CACNB2: variants seen among roughly 807,000 people sequenced by gnomAD.
The protein encoded by CACNB2 is calcium voltage-gated channel auxiliary subunit beta 2.
Under a neutral mutation model 73.3 loss-of-function variants are expected in CACNB2, and 42 were observed. The ratio of observed to expected loss-of-function variants is 0.57; its 90% CI spans 0.45 to 0.74. The LOEUF (loss-of-function observed/expected upper bound fraction) is 0.74, where lower values mean the gene tolerates loss of function less well. Ranked by LOEUF, CACNB2 falls within the 30% of genes least tolerant of loss-of-function variation. CACNB2 has a pLI of 0.00. For synonymous variants in CACNB2, 348 were observed against 310.3 expected (o/e 1.12, Z -1.28); for missense variants, 940 against 853.0 (o/e 1.10, Z -1.27).
chr10:18,481,141 C>T (rs551928035), intron 3 of CACNB2, among the ~76,000 whole-genome samples: 2 of 131,522 alleles, frequency 1.5e-5, no homozygotes, highest in East Asian at 4.9e-4. Context: ...ACACCCAGTG[C>T]AGAAAATCTT....
chr10:18,501,703 C>T (rs1036506300), intron 5 of CACNB2, among the ~76,000 whole-genome samples: 1 of 152,196 alleles, frequency 6.6e-6, no homozygotes, highest in African/African-American at 2.4e-5. Context: ...CGCTGGATTT[C>T]TCTTTTCTCC....
At chr10:18,332,127 G>A (rs1272960313) in intron 2 of CACNB2, among the ~76,000 whole-genome samples, 1 of 152,182 alleles carries the variant, frequency 6.6e-6, no homozygotes, top group Non-Finnish European at 1.5e-5. Context: ...TATCTCAGCT[G>A]CAGCAAGACA....
chr10:18,440,533 G>A (rs531877443), intron 3 of CACNB2, among the ~76,000 whole-genome samples: 8 of 152,196 alleles, frequency 5.3e-5, no homozygotes, highest in Admixed American at 4.6e-4. Flanking sequence ...CTGGCATGGT[G>A]GTCCACATCT....
In CACNB2 at chr10:18,484,991, C is replaced by CA. The variant is rs573141785; in HGVS notation, c.334-13358dup. Among the ~76,000 whole-genome samples, 29 of 152,000 alleles carry CA rather than the reference C, an allele frequency of 1.9e-4. No homozygotes were observed. In the South Asian group the frequency reaches 3.8e-3, roughly 20 times the overall value. On this transcript the variant is annotated intron_variant, in intron 3 of 13. Coordinates refer to ENST00000324631, the MANE Select transcript of CACNB2 (RefSeq NM_201596.3). The stretch of plus-strand genomic sequence containing the variant: ...ACAACATAGTGAAACCCTGTCTCTA[C>CA]AAAAAATACAAAAAGTAGCCAGATG...
intron 3 of CACNB2, among the ~76,000 whole-genome samples, chr10:18,408,502 G>C (rs1375386327): frequency 2.0e-5 from 3 of 152,026 alleles, no homozygotes; most frequent in Non-Finnish European, 4.4e-5. Context: ...GACTCTTGAA[G>C]TTCTGGGATT....
intron 2 of CACNB2, among the ~76,000 whole-genome samples, chr10:18,249,552 C>A (rs911079048): frequency 1.3e-5 from 2 of 152,168 alleles, no homozygotes; most frequent in African/African-American, 4.8e-5. Flanking sequence ...ACTCTGTCCC[C>A]CCAATGACTT....
At chr10:18,473,377 C>T (rs571566538) in intron 3 of CACNB2, among the ~76,000 whole-genome samples, 307 of 152,296 alleles carry the variant, frequency 2.0e-3, no homozygotes, top group Admixed American at 5.7e-3. Context: ...AAAGTCATAT[C>T]TTGTAAAAGT....
At chr10:18,413,639 T>C (rs1413154201) in intron 3 of CACNB2, among the ~76,000 whole-genome samples, 3 of 152,248 alleles carry the variant, frequency 2.0e-5, no homozygotes, top group Non-Finnish European at 4.4e-5. Context: ...AAGGGAAATA[T>C]TGCAGGGGCA....
At chr10:18,279,181 A>T (rs1456775936) in intron 2 of CACNB2, among the ~76,000 whole-genome samples, 1 of 152,214 alleles carries the variant, frequency 6.6e-6, no homozygotes, top group Non-Finnish European at 1.5e-5. Flanking sequence ...TCTTTCTGAA[A>T]GCTGTCCCAG....
intron 1 of CACNB2, 79 bp downstream of exon 1, chr10:18,140,935 C>G: frequency 6.5e-7 from 1 of 1,540,056 alleles, no homozygotes; most frequent in South Asian, 1.2e-5. Context: ...CCGGCGCCTC[C>G]ACTGCAGGGA....
chr10:18,249,225 AC>A (rs1327402827), intron 2 of CACNB2, among the ~76,000 whole-genome samples: 5 of 152,162 alleles, frequency 3.3e-5, no homozygotes, highest in Non-Finnish European at 5.9e-5. Flanking sequence ...CCTTCCTGCG[AC>A]AGTGGGTGAA....
At chr10:18,434,097 T>C (rs184734158) in intron 3 of CACNB2, among the ~76,000 whole-genome samples, 5 of 152,276 alleles carry the variant, frequency 3.3e-5, no homozygotes, top group East Asian at 3.9e-4. Flanking sequence ...ACATAGAACA[T>C]TGGGAATTTT....
intron 3 of CACNB2, among the ~76,000 whole-genome samples, chr10:18,461,931 T>C (rs552248995): frequency 1.3e-5 from 2 of 152,210 alleles, no homozygotes; most frequent in East Asian, 1.9e-4. Context: ...CTGCAAACTT[T>C]CCTGGAGCTC....
rs1305658920 is a variant in CACNB2 at position 18,491,913 on chromosome 10, C to T, written c.334-6442C>T. 2.1e-5 allele frequency among the ~76,000 whole-genome samples: 3 copies of T among 143,738 alleles called. No individual in the cohort carries two copies. The South Asian group carries it at 7.1e-4, about 34-fold the overall frequency. 94.3% of individuals were successfully genotyped at this position (143,738 alleles called of 152,430 possible). ...AGAGATATGTATCAGTACATTCTTG[C>T]ATTGTTACACTGTTATAAAGAAATA... On this transcript the variant is annotated intron_variant, in intron 3 of 13. Transcript: ENST00000324631.
At chr10:18,398,693 ACACACACACACACACACACAC>A (rs2043837110) in intron 2 of CACNB2, among the ~76,000 whole-genome samples, 5 of 65,158 alleles carry the variant, frequency 7.7e-5, no homozygotes, top group African/African-American at 1.4e-4. Flanking sequence ...ACACACACAT[ACACACACACACACACACACAC>A]AATTGTTTTT....
chr10:18,301,461 G>C (rs2039506833), intron 2 of CACNB2, among the ~76,000 whole-genome samples: 1 of 151,862 alleles, frequency 6.6e-6, no homozygotes, highest in South Asian at 2.1e-4. Flanking sequence ...GGGACATGGT[G>C]GCACATGCCT....
At chr10:18,300,514 T>C (rs1352244449) in intron 2 of CACNB2, among the ~76,000 whole-genome samples, 1 of 152,274 alleles carries the variant, frequency 6.6e-6, no homozygotes, top group Non-Finnish European at 1.5e-5. Context: ...TTTGTGTTTA[T>C]GTTACTAAAA....
At chr10:18,193,874 C>T (rs114223849) in intron 2 of CACNB2, among the ~76,000 whole-genome samples, 223 of 152,262 alleles carry the variant, frequency 1.5e-3, no homozygotes, top group African/African-American at 5.2e-3. Context: ...CTTTTGTGAG[C>T]TTCCATTCTG....
In CACNB2 at chr10:18,300,553, C is replaced by T. The variant is rs182026996; in HGVS notation, c.214-101371C>T. 2.3e-3 allele frequency among the ~76,000 whole-genome samples: 353 copies of T among 152,356 alleles called. 1 individual carries two copies. Among genetic ancestry groups the T allele is most frequent in the Non-Finnish European group, 3.6e-3 (248 of 68,034 alleles). On this transcript the variant is annotated intron_variant, in intron 2 of 13. Coordinates refer to ENST00000324631, the MANE Select transcript of CACNB2 (RefSeq NM_201596.3). The stretch of plus-strand genomic sequence containing the variant: ...ACAGAACCTATTACAGCAATGACAA[C>T]GTATTTCAAAACTCTAGGTGTTTGT...
Sources: allele counts gnomAD v4.1 joint callset (sites outside exome capture counted in the v4.1 genomes callset), GRCh38; gene constraint gnomAD v4.1.1; transcripts MANE v1.5; gene names NCBI Gene and HGNC (gene_info 2026-07-23, HGNC 2026-07-21).